The following TBCD variants were observed in gnomAD, a reference collection of about 807,000 sequenced individuals.
TBCD encodes tubulin folding cofactor D.
Under a neutral mutation model 169.3 loss-of-function variants are expected in TBCD, and 105 were observed. The observed-to-expected ratio is 0.62, with a 90% CI of 0.53 to 0.73. The LOEUF is 0.73. Ranked by LOEUF, TBCD falls within the 30% of genes least tolerant of loss-of-function variation. The probability of loss-of-function intolerance (pLI) is 0.00; values close to 1 mark genes in which losing one functional copy is unlikely to be tolerated. For missense variants in TBCD, 1,444 were observed against 1,600.1 expected (o/e 0.90, Z 1.66); for synonymous variants, 700 against 643.9 (o/e 1.09, Z -1.32).
At chr17:82,865,881 C>T (rs368786952) in intron 13 of TBCD, among the ~76,000 whole-genome samples, 1 of 152,096 alleles carries the variant, frequency 6.6e-6, no homozygotes, top group African/African-American at 2.4e-5. Context: ...AGGCAATTGG[C>T]GTTCAACAAA....
At position 82,884,414 on chromosome 17, in the gene TBCD, C is replaced by T. The variant is rs1348284808; in HGVS notation, c.1533+212C>T. Reference sequence around the variant, plus strand: ...GTGAAGGGCGGTCAGGGTTAAGCATCCCCAGAGCTGCAGCCATCACTGCTG... The same window carrying T: ...GTGAAGGGCGGTCAGGGTTAAGCATTCCCAGAGCTGCAGCCATCACTGCTG... On this transcript the variant is annotated intron_variant, in intron 15 of 38. Transcript: ENST00000355528. The surrounding 1 kb of genome is among the most constrained non-coding windows in gnomAD (Gnocchi z 4.2). Among the ~76,000 whole-genome samples, 3 of 152,216 alleles carry T rather than the reference C, an allele frequency of 2.0e-5. No individual in the cohort carries two copies. The highest frequency in any genetic ancestry group is 4.4e-5 in the Non-Finnish European group (3 of 68,042).
rs776475239 is a variant in TBCD at position 82,832,097 on chromosome 17, G to C, written c.1318+17163G>C. On this transcript the variant is annotated intron_variant, in intron 13 of 38. Coordinates refer to ENST00000355528, the MANE Select transcript of TBCD (RefSeq NM_005993.5). The surrounding 1 kb of genome is among the most constrained non-coding windows in gnomAD (Gnocchi z 4.9). ...TGTCCCAGGCACCTGTGGGTTCCCC[G>C]GGCTTGCAGCTCCAGGTTTTCCTTG... 1.2e-6 allele frequency: 2 copies of C among 1,614,170 alleles called. No homozygotes were observed. Among genetic ancestry groups the C allele is most frequent in the Non-Finnish European group, 1.7e-6 (2 of 1,180,020 alleles).
In TBCD at chr17:82,869,981, T is replaced by TG. The variant is rs2057441618; in HGVS notation, c.1319-242dup. On this transcript the variant is annotated intron_variant, in intron 13 of 38. Transcript: ENST00000355528. ...GAAGGAGCTTTTGCTTCATGGCACTTGAAAAAAATCCTTTCACTGGATCTG... is the reference window on the plus strand; with the variant it reads ...GAAGGAGCTTTTGCTTCATGGCACTTGGAAAAAAATCCTTTCACTGGATCTG... Among the ~76,000 whole-genome samples, 3 of 152,266 alleles carry TG rather than the reference T, an allele frequency of 2.0e-5. No individual in the cohort carries two copies. The South Asian group carries it at 6.2e-4, about 32-fold the overall frequency.
rs760117972 is a variant in TBCD at position 82,809,825 on chromosome 17, GT to G, written c.1223+45del. On this transcript the variant is annotated intron_variant, in intron 12 of 38. Coordinates refer to ENST00000355528, the MANE Select transcript of TBCD (RefSeq NM_005993.5). ...GGGAGGCGTGTGGGCCTGACCCTGA[GT>G]TGAGAAGCCCTGGCTTTCCTTATAT... The G allele has an allele frequency of 3.6e-5, 57 of 1,584,984 alleles. 1 individual carries two copies. In the African/African-American group the frequency reaches 5.9e-4, roughly 16 times the overall value.
chr17:82,928,928 G>A (rs563264184), intron 30 of TBCD, among the ~76,000 whole-genome samples, 185 bp from the exon 31 acceptor site: 58 of 152,246 alleles, frequency 3.8e-4, no homozygotes, highest in Non-Finnish European at 2.9e-5. Context: ...TGAAGGTAAC[G>A]GAGTGTGGTT....
intron 7 of TBCD, 142 bp downstream of exon 7, chr17:82,781,863 A>G (rs1418228076): frequency 3.7e-6 from 5 of 1,349,060 alleles, no homozygotes; most frequent in East Asian, 2.4e-5. Context: ...GGTCTTGGGC[A>G]GTTTCCTTTT....
chr17:82,847,075 G>A (rs1297134955), intron 13 of TBCD, among the ~76,000 whole-genome samples: 1 of 152,212 alleles, frequency 6.6e-6, no homozygotes, highest in African/African-American at 2.4e-5. Flanking sequence ...AAACAGGCCG[G>A]GCGTGGTGGC....
chr17:82,790,396 C>T (rs760529039), intron 7 of TBCD, among the ~76,000 whole-genome samples: 13 of 152,162 alleles, frequency 8.5e-5, no homozygotes, highest in Non-Finnish European at 1.9e-4. Context: ...AGCGTGGCCT[C>T]GGAAGCTTGT....
chr17:82,752,848 G>A (rs1008177632), intron 1 of TBCD, among the ~76,000 whole-genome samples: 1 of 152,190 alleles, frequency 6.6e-6, no homozygotes. Context: ...TGAGAGAGGG[G>A]GACGCAGGGA....
intron 9 of TBCD, among the ~76,000 whole-genome samples, chr17:82,801,313 T>A (rs2050504262): frequency 6.6e-6 from 1 of 152,224 alleles, no homozygotes; most frequent in African/African-American, 2.4e-5. Context: ...TTTTCTGCTT[T>A]CATTCATTTC....
At chr17:82,779,879 C>G (rs987868579) in intron 6 of TBCD, among the ~76,000 whole-genome samples, 2 of 152,132 alleles carry the variant, frequency 1.3e-5, no homozygotes. Context: ...GTGGGGCACT[C>G]CCCCACGTGG....
In TBCD at chr17:82,763,878, A is replaced by G. The variant is rs2143951676; in HGVS notation, c.236-87A>G. ...CCTTGGTCTCCCAAAGTGCTGGGAA[A>G]ACAGGCATGAGCCACCACACCTGGC... On this transcript the variant is annotated intron_variant, in intron 2 of 38. Coordinates refer to ENST00000355528, the MANE Select transcript of TBCD (RefSeq NM_005993.5). 10 of 1,118,088 alleles carry G rather than the reference A, an allele frequency of 8.9e-6. No individual in the cohort carries two copies. In the South Asian group the frequency reaches 1.3e-4, roughly 15 times the overall value. The allele number at this position is 1,118,088 out of a possible 1,614,324, so 69.3% of individuals were successfully genotyped here. A position where few individuals can be genotyped will look rare whatever the true frequency, so the allele number is the denominator to read the frequency against.
At chr17:82,931,926 C>G (rs1350322119) in intron 33 of TBCD, 2 of 152,570 alleles carry the variant, frequency 1.3e-5, no homozygotes, top group African/African-American at 4.8e-5. Context: ...AGGTCACTCT[C>G]ACTGGCGCGT....
At chr17:82,855,926 T>C (rs956814957) in intron 13 of TBCD, among the ~76,000 whole-genome samples, 13 of 151,878 alleles carry the variant, frequency 8.6e-5, no homozygotes, top group Non-Finnish European at 5.9e-5. Flanking sequence ...TATTGTAGCA[T>C]GTGTCAGGCC....
chr17:82,881,883 T>G (rs368051478), intron 14 of TBCD, among the ~76,000 whole-genome samples: 3 of 152,090 alleles, frequency 2.0e-5, no homozygotes, highest in East Asian at 3.9e-4. Context: ...ACTCTAGGGG[T>G]CCTTTCTCTC....
chr17:82,831,375 C>A lies in TBCD; in HGVS notation c.1318+16441C>A. On this transcript the variant is annotated intron_variant, in intron 13 of 38. Transcript: ENST00000355528. This position sits in a 1 kb window ranked among gnomAD's most constrained non-coding sequence, Gnocchi z 4.6. The stretch of plus-strand genomic sequence containing the variant: ...CCGAAGGGTTTAACCTGGAAGGACT[C>A]GAGGCTGGATAGACCAGGGTGGCTT... 6.2e-7 allele frequency: 1 copy of A among 1,613,910 alleles called. No homozygotes were observed. Among genetic ancestry groups the A allele is most frequent in the Non-Finnish European group, 8.5e-7 (1 of 1,179,982 alleles).
At position 82,833,675 on chromosome 17, in the gene TBCD, C is replaced by T. The variant is rs1456847844; in HGVS notation, c.1318+18741C>T. Among the ~76,000 whole-genome samples the T allele has an allele frequency of 6.6e-6, 1 of 152,204 alleles. No homozygotes were observed. The highest frequency in any genetic ancestry group is 1.5e-5 in the Non-Finnish European group (1 of 68,042). On this transcript the variant is annotated intron_variant, in intron 13 of 38. Coordinates refer to ENST00000355528, the MANE Select transcript of TBCD (RefSeq NM_005993.5). The surrounding 1 kb of genome is among the most constrained non-coding windows in gnomAD (Gnocchi z 4.7). ...AAATGGAAGAACCAAAGCTTTGCCA[C>T]ACTCCTGCCCGAGAGGAGACCAGAG... is the stretch of plus-strand genomic sequence containing the variant.
chr17:82,916,108 C>T (rs1378591213), intron 23 of TBCD, among the ~76,000 whole-genome samples: 1 of 151,980 alleles, frequency 6.6e-6, no homozygotes, highest in Non-Finnish European at 1.5e-5. Flanking sequence ...GCTGCTTCTC[C>T]TTCTTGTTCT....
At chr17:82,935,742 T>C (rs2062568613) in intron 34 of TBCD, among the ~76,000 whole-genome samples, 1 of 152,256 alleles carries the variant, frequency 6.6e-6, no homozygotes, top group Non-Finnish European at 1.5e-5. Flanking sequence ...GTCTTAGATG[T>C]ACGTACTTTC....
Sources: allele counts gnomAD v4.1 joint callset (sites outside exome capture counted in the v4.1 genomes callset), GRCh38; gene constraint gnomAD v4.1.1; non-coding constraint Gnocchi (gnomAD v3.1); transcripts MANE v1.5; gene names NCBI Gene and HGNC (gene_info 2026-07-23, HGNC 2026-07-21).